The following CSMD1 variants were observed in gnomAD, a reference collection of about 807,000 sequenced individuals.
CSMD1 encodes the protein CUB and Sushi multiple domains 1.
In CSMD1, 213 loss-of-function variants were observed where a neutral mutation model predicts 417.5. The ratio of observed to expected loss-of-function variants is 0.51; its 90% confidence interval spans 0.46 to 0.57. The LOEUF is 0.57. CSMD1 is among the 20% of genes least tolerant of loss of function. CSMD1 has a pLI of 0.00. For synonymous variants in CSMD1, 2,862 were observed against 1,736.8 expected, an observed-to-expected ratio of 1.65 and a Z score of -16.11; for missense variants, 6,923 against 4,529.7, an observed-to-expected ratio of 1.53 and a Z score of -15.17.
At chr8:3,404,193 G>T (rs1016021156) in intron 15 of CSMD1, among the ~76,000 whole-genome samples, 1 of 152,128 alleles carries the variant, frequency 6.6e-6, no homozygotes. Context: ...AATTAGCCAG[G>T]CGTGGTGGCA....
chr8:4,796,999 G>C (rs532320318), intron 1 of CSMD1, among the ~76,000 whole-genome samples: 1 of 152,144 alleles, frequency 6.6e-6, no homozygotes, highest in Non-Finnish European at 1.5e-5. Context: ...CCAAAGTGAG[G>C]TACATCTTAT....
chr8:3,921,047 T>C (rs1053537932), intron 5 of CSMD1, among the ~76,000 whole-genome samples: 6 of 152,170 alleles, frequency 3.9e-5, no homozygotes, highest in Admixed American at 3.3e-4. Context: ...AGCGTTGGTT[T>C]AGTGTTTCTT....
intron 5 of CSMD1, among the ~76,000 whole-genome samples, chr8:3,822,705 G>A (rs17067680): frequency 0.021 from 3,164 of 152,232 alleles, 127 homozygotes; most frequent in African/African-American, 0.072. Context: ...CTCCTGGGCA[G>A]GTGACACCCT....
intron 5 of CSMD1, among the ~76,000 whole-genome samples, chr8:3,899,785 A>G (rs1449510999): frequency 6.6e-6 from 1 of 152,162 alleles, no homozygotes; most frequent in African/African-American, 2.4e-5. Flanking sequence ...TTTTGACCTG[A>G]CTGGAAGGTG....
chr8:2,942,282 C>A (rs1170539875), intron 69 of CSMD1, among the ~76,000 whole-genome samples, 190 bp downstream of exon 69: 2 of 151,552 alleles, frequency 1.3e-5, no homozygotes. Context: ...TTACATTTAA[C>A]TAGGTAACAA....
intron 1 of CSMD1, among the ~76,000 whole-genome samples, chr8:4,748,615 A>G (rs753266147): frequency 6.6e-6 from 1 of 152,204 alleles, no homozygotes; most frequent in East Asian, 1.9e-4. Flanking sequence ...TAGTGTTTTC[A>G]TTCTAAATTA....
At chr8:4,056,013 A>G (rs2554525) in intron 3 of CSMD1, among the ~76,000 whole-genome samples, 131,111 of 150,988 alleles carry the variant, frequency 0.87, 57,477 homozygotes, top group South Asian at 0.94. Context: ...ATTGTAGTCT[A>G]CACAGATTTC....
intron 11 of CSMD1, among the ~76,000 whole-genome samples, chr8:3,485,621 G>A (rs1286276879): frequency 1.3e-5 from 2 of 151,736 alleles, no homozygotes; most frequent in Non-Finnish European, 2.9e-5. Flanking sequence ...TGAGCTGGGT[G>A]TGGTGGCGCA....
rs111399102 is a variant in CSMD1 at position 4,467,752 on chromosome 8, A to G, written c.303-47687T>C. On this transcript the variant is annotated intron_variant, in intron 2 of 69. Coordinates refer to ENST00000635120, the MANE Select transcript of CSMD1 (RefSeq NM_033225.6). ...CAATGGTAAAGCTAAAGCTAACAAA[A>G]TATTTACCGTAGAAAGCACCTTGCA... 1.8e-3 allele frequency among the ~76,000 whole-genome samples: 273 copies of G among 152,314 alleles called. 1 individual carries two copies. The highest frequency in any genetic ancestry group is 6.2e-3 in the African/African-American group (257 of 41,566).
chr8:4,036,437 T>C (rs1797622575), intron 3 of CSMD1, among the ~76,000 whole-genome samples: 1 of 152,208 alleles, frequency 6.6e-6, no homozygotes, highest in African/African-American at 2.4e-5. Context: ...AAAATATCAT[T>C]AATGAATATG....
At chr8:3,148,756 T>C (rs1251497311) in intron 40 of CSMD1, among the ~76,000 whole-genome samples, 2 of 152,212 alleles carry the variant, frequency 1.3e-5, no homozygotes, top group Non-Finnish European at 2.9e-5. Flanking sequence ...GGCATCATAA[T>C]TCCAAATGTT....
chr8:4,843,156 G>T (rs1426122303), intron 1 of CSMD1, among the ~76,000 whole-genome samples: 3 of 152,186 alleles, frequency 2.0e-5, no homozygotes, highest in African/African-American at 7.2e-5. Flanking sequence ...TACACTACCA[G>T]TCTTCTTCCT....
chr8:3,257,045 G>T (rs115350515), intron 26 of CSMD1, among the ~76,000 whole-genome samples: 2,046 of 152,282 alleles, frequency 0.013, 48 homozygotes, highest in African/African-American at 0.046. Flanking sequence ...CTGAGGGCCA[G>T]GTACAGTGGC....
At chr8:3,452,468 T>C (rs1052900347) in intron 12 of CSMD1, among the ~76,000 whole-genome samples, 2 of 152,084 alleles carry the variant, frequency 1.3e-5, no homozygotes, top group Non-Finnish European at 2.9e-5. Context: ...ATAGATAGGT[T>C]TTATTATTTT....
rs187594781 is a variant in CSMD1 at position 4,515,508 on chromosome 8, G to A, written c.303-95443C>T. Among the ~76,000 whole-genome samples, 5 of 152,140 alleles carry A rather than the reference G, an allele frequency of 3.3e-5. No individual in the cohort carries two copies. The East Asian group carries it at 5.8e-4, about 18-fold the overall frequency. ...GAAATATGAGCTTAAAGAAATACACGGTTTTATTAAAAACTTCATACAGTT... is the reference window on the plus strand; with the variant it reads ...GAAATATGAGCTTAAAGAAATACACAGTTTTATTAAAAACTTCATACAGTT... On this transcript the variant is annotated intron_variant, in intron 2 of 69. Coordinates refer to ENST00000635120, the MANE Select transcript of CSMD1 (RefSeq NM_033225.6).
intron 26 of CSMD1, among the ~76,000 whole-genome samples, chr8:3,254,304 A>G (rs186865170): frequency 2.6e-5 from 4 of 152,090 alleles, no homozygotes; most frequent in Non-Finnish European, 4.4e-5. Flanking sequence ...GGCTGCCCTT[A>G]ACATTTTTTC....
At chr8:4,423,472 G>C (rs147685774) in intron 2 of CSMD1, among the ~76,000 whole-genome samples, 3 of 152,130 alleles carry the variant, frequency 2.0e-5, no homozygotes, top group South Asian at 2.1e-4. Context: ...TCAAAGAAAA[G>C]CTTCTGTATA....
chr8:4,234,010 G>T lies in CSMD1; in HGVS notation c.415+185943C>A, dbSNP rs573447102. The stretch of plus-strand genomic sequence containing the variant: ...ACATGTGATCCCTTCTGCCTGAGAG[G>T]TTCTGGCATCTGGTTAAGAGTCTAC... On this transcript the variant is annotated intron_variant, in intron 3 of 69. Transcript: ENST00000635120. Among the ~76,000 whole-genome samples the T allele has an allele frequency of 9.2e-5, 14 of 152,200 alleles. No homozygotes were observed. In the East Asian group the frequency reaches 2.3e-3, roughly 25 times the overall value.
chr8:4,161,241 C>G (rs967306989), intron 3 of CSMD1, among the ~76,000 whole-genome samples: 4 of 152,194 alleles, frequency 2.6e-5, no homozygotes, highest in Non-Finnish European at 5.9e-5. Context: ...AGCACTCTTA[C>G]CATCTGCATT....
Sources: allele counts gnomAD v4.1 joint callset (sites outside exome capture counted in the v4.1 genomes callset), GRCh38; gene constraint gnomAD v4.1.1; transcripts MANE v1.5; gene names NCBI Gene and HGNC (gene_info 2026-07-23, HGNC 2026-07-21).